Variants in SEMA3C observed in about 807,000 individuals in gnomAD.
SEMA3C encodes semaphorin 3C, also known as semaphorin-3C.
A neutral mutation model predicts 89.4 loss-of-function variants in SEMA3C; 47 were observed. The ratio of observed to expected loss-of-function variants is 0.53; its 90% CI spans 0.42 to 0.67. The LOEUF (loss-of-function observed/expected upper bound fraction) is 0.67. Ranked by LOEUF, SEMA3C falls within the 30% of genes least tolerant of loss-of-function variation. The probability of loss-of-function intolerance (pLI) is 0.00; values close to 1 mark genes in which losing one functional copy is unlikely to be tolerated. For missense variants in SEMA3C, 839 were observed against 929.1 expected (o/e 0.90, Z 1.26); for synonymous variants, 310 against 320.2 (o/e 0.97, Z 0.34).
At chr7:80,851,971 A>G (rs557074237) in intron 2 of SEMA3C, among the ~76,000 whole-genome samples, 7 of 152,256 alleles carry the variant, frequency 4.6e-5, no homozygotes, top group South Asian at 2.1e-4. Context: ...TATCATGAAA[A>G]ACGTTTGTTT....
At chr7:80,817,453 TCA>T (rs1333402870) in intron 5 of SEMA3C, among the ~76,000 whole-genome samples, 1 of 152,138 alleles carries the variant, frequency 6.6e-6, no homozygotes. Flanking sequence ...GTTTGAAAAT[TCA>T]GTTTTTAAAA....
chr7:80,884,231 T>C (rs1041023613), intron 2 of SEMA3C, among the ~76,000 whole-genome samples: 3 of 152,172 alleles, frequency 2.0e-5, no homozygotes, highest in Non-Finnish European at 4.4e-5. Flanking sequence ...TGTGAAATAT[T>C]TAAGACATAA....
intron 2 of SEMA3C, among the ~76,000 whole-genome samples, chr7:80,889,945 T>C (rs989095992): frequency 6.6e-5 from 10 of 152,284 alleles, no homozygotes; most frequent in Admixed American, 5.9e-4. Flanking sequence ...TTTCTGGGTG[T>C]TTGCTTGTTT....
chr7:80,779,088 G>T (rs1480309450), intron 12 of SEMA3C, among the ~76,000 whole-genome samples: 3 of 152,068 alleles, frequency 2.0e-5, no homozygotes, highest in Non-Finnish European at 4.4e-5. Flanking sequence ...TGACTTATCT[G>T]TCTGAATAGT....
rs762803881 is a variant in SEMA3C at position 80,905,831 on chromosome 7, G to C, written c.103+10848C>G. The stretch of plus-strand genomic sequence containing the variant: ...CATGGTTGGCTTATGCCACTTACTA[G>C]AGTAGGTGGTTGCTGAGGACCAAAT... On this transcript the variant is annotated intron_variant, in intron 2 of 17. Coordinates refer to ENST00000265361, the MANE Select transcript of SEMA3C (RefSeq NM_006379.5). 6 of 1,282,452 alleles carry C rather than the reference G, an allele frequency of 4.7e-6. No individual in the cohort carries two copies. The South Asian group carries it at 7.4e-5, about 16-fold the overall frequency. The allele number at this position is 1,282,452 out of a possible 1,614,324, so 79.4% of individuals were successfully genotyped here.
intron 2 of SEMA3C, among the ~76,000 whole-genome samples, chr7:80,833,771 AT>A (rs373854045): frequency 0.016 from 2,346 of 146,632 alleles, 33 homozygotes; most frequent in South Asian, 0.04. Flanking sequence ...AGAAACGACC[AT>A]TTTTTTTTTT....
At chr7:80,903,707 G>T (rs2116209274) in intron 2 of SEMA3C, among the ~76,000 whole-genome samples, 1 of 152,148 alleles carries the variant, frequency 6.6e-6, no homozygotes. Context: ...AATACATGTG[G>T]TCCTTCTCAA....
intron 15 of SEMA3C, among the ~76,000 whole-genome samples, chr7:80,753,877 A>C (rs569709608): frequency 3.5e-4 from 53 of 152,338 alleles, no homozygotes; most frequent in African/African-American, 1.2e-3. Flanking sequence ...AATATTTAAG[A>C]GACTTGAGAG....
chr7:80,833,772 T>G (rs978709661), intron 2 of SEMA3C, among the ~76,000 whole-genome samples: 1 of 141,344 alleles, frequency 7.1e-6, no homozygotes, highest in Non-Finnish European at 1.5e-5. Flanking sequence ...GAAACGACCA[T>G]TTTTTTTTTT....
At chr7:80,827,607 ATTCT>A (rs141709570) in intron 3 of SEMA3C, 120 bp from the exon 4 acceptor site, 3 of 586,942 alleles carry the variant, frequency 5.1e-6, no homozygotes, top group Admixed American at 4.1e-5. Flanking sequence ...AGACTTTAAA[ATTCT>A]TTCTTTTTTA....
At chr7:80,921,271 A>C (rs959393921), upstream of SEMA3C, among the ~76,000 whole-genome samples, 1 of 152,156 alleles carries the variant, frequency 6.6e-6, no homozygotes, top group Non-Finnish European at 1.5e-5. Flanking sequence ...CCTGGGATTT[A>C]ATGGTATTTG....
chr7:80,883,480 T>C (rs1457473748), intron 2 of SEMA3C, among the ~76,000 whole-genome samples: 1 of 152,232 alleles, frequency 6.6e-6, no homozygotes, highest in Non-Finnish European at 1.5e-5. Context: ...ACTAATTATA[T>C]AATCATAATC....
At chr7:80,921,690 G>A (rs1051394764), upstream of SEMA3C, among the ~76,000 whole-genome samples, 4 of 152,172 alleles carry the variant, frequency 2.6e-5, no homozygotes, top group African/African-American at 9.7e-5. Flanking sequence ...CCAGCAAAAC[G>A]TTTCAGACGA....
chr7:80,881,266 A>G (rs912387477), intron 2 of SEMA3C, among the ~76,000 whole-genome samples: 2 of 151,932 alleles, frequency 1.3e-5, no homozygotes, highest in African/African-American at 2.4e-5. Context: ...TAAGACCAAT[A>G]AGATTATTCT....
chr7:80,789,211 T>G (rs746408974), intron 12 of SEMA3C, 95 bp downstream of exon 12: 73 of 975,062 alleles, frequency 7.5e-5, no homozygotes, highest in Non-Finnish European at 1.1e-4. Flanking sequence ...TTATTGGAGT[T>G]TTTCTAGTTT....
In SEMA3C at chr7:80,825,474, C is replaced by A. The variant is rs182961862; in HGVS notation, c.327+1951G>T. 1.6e-3 allele frequency among the ~76,000 whole-genome samples: 238 copies of A among 152,166 alleles called. 5 individuals carry two copies. The highest frequency in any genetic ancestry group is 0.015 in the Admixed American group (234 of 15,272). ...TGACAAAACTATGGGAAAATGTCAG[C>A]ATGTATTGAAGATTTTTATCTAATA... On this transcript the variant is annotated intron_variant, in intron 4 of 17. Coordinates refer to ENST00000265361, the MANE Select transcript of SEMA3C (RefSeq NM_006379.5).
At chr7:80,904,187 T>C (rs1237392017) in intron 2 of SEMA3C, among the ~76,000 whole-genome samples, 1 of 152,048 alleles carries the variant, frequency 6.6e-6, no homozygotes, top group Admixed American at 6.5e-5. Flanking sequence ...ACTACAGCCG[T>C]GCACCACCAT....
At chr7:80,777,310 T>TA (rs1300627385) in intron 12 of SEMA3C, among the ~76,000 whole-genome samples, 1 of 152,066 alleles carries the variant, frequency 6.6e-6, no homozygotes, top group African/African-American at 2.4e-5. Flanking sequence ...GTTTTTTTTT[T>TA]AGACGGCGTC....
At chr7:80,797,219 G>A (rs573079599) in intron 11 of SEMA3C, among the ~76,000 whole-genome samples, 2 of 150,728 alleles carry the variant, frequency 1.3e-5, no homozygotes, top group Non-Finnish European at 3.0e-5. Flanking sequence ...AACATCTCTC[G>A]GTGTACTGTC....
Sources: gnomAD v4.1 joint callset for allele counts (sites outside exome capture counted in the v4.1 genomes callset) on GRCh38, gnomAD v4.1.1 for gene constraint, MANE v1.5 for transcripts, NCBI Gene and HGNC (gene_info 2026-07-23, HGNC 2026-07-21) for gene names.